Variants in RUNX1T1 observed in about 807,000 individuals in gnomAD.
The protein encoded by RUNX1T1 is protein CBFA2T1.
RUNX1T1 carries 4 observed loss-of-function variants against 62.8 expected under a neutral mutation model. The observed-to-expected ratio is 0.06, with a 90% CI of 0.03 to 0.15. The LOEUF (loss-of-function observed/expected upper bound fraction) is 0.15. RUNX1T1 is among the 10% of genes least tolerant of loss of function. The pLI, the probability that RUNX1T1 is intolerant of heterozygous loss-of-function variation, is 1.00. For missense variants in RUNX1T1, 508 were observed against 754.3 expected (o/e 0.67, Z 3.82); for synonymous variants, 291 against 286.0 (o/e 1.02, Z -0.18).
chr8:92,055,015 A>C (rs1404479320), intron 1 of RUNX1T1, among the ~76,000 whole-genome samples: 1 of 152,120 alleles, frequency 6.6e-6, no homozygotes, highest in Non-Finnish European at 1.5e-5. Context: ...AAAATAAATA[A>C]ATAAATTAAA....
chr8:91,983,033 C>A (rs1199358711), intron 8 of RUNX1T1, among the ~76,000 whole-genome samples: 1 of 142,144 alleles, frequency 7.0e-6, no homozygotes, highest in Admixed American at 7.5e-5. Flanking sequence ...GTTCAGGTGA[C>A]TCTCCTGCCT....
At chr8:91,980,066 A>C (rs1814883330) in intron 8 of RUNX1T1, 1 of 232,798 alleles carries the variant, frequency 4.3e-6, no homozygotes, top group Non-Finnish European at 8.9e-6. Context: ...AAATCTTCAC[A>C]CTAGGTTTCA....
At chr8:92,081,276 A>C (rs1835216685) in intron 1 of RUNX1T1, 8 of 971,140 alleles carry the variant, frequency 8.2e-6, no homozygotes, top group Non-Finnish European at 8.6e-6. Context: ...CAGTGTGCTC[A>C]GTTCTTATCA....
At chr8:91,976,531 C>A (rs1813987579) in intron 8 of RUNX1T1, among the ~76,000 whole-genome samples, 1 of 152,120 alleles carries the variant, frequency 6.6e-6, no homozygotes, top group Admixed American at 6.5e-5. Flanking sequence ...TACGTGAAAG[C>A]CAGAAAGACT....
intron 10 of RUNX1T1, among the ~76,000 whole-genome samples, chr8:91,961,532 T>G (rs1810445887): frequency 6.6e-6 from 1 of 152,118 alleles, no homozygotes; most frequent in South Asian, 2.1e-4. Context: ...GCCACCAGGA[T>G]TTAAACTTTA....
At chr8:91,991,705 G>A (rs1817706613) in exon 6 of RUNX1T1, 1 of 1,614,082 alleles carries the variant, frequency 6.2e-7, no homozygotes, top group Non-Finnish European at 8.5e-7. Context: ...CTGTAGTGGT[G>A]GGCAATGGCC....
chr8:91,975,269 T>G (rs1488159488), intron 9 of RUNX1T1, among the ~76,000 whole-genome samples: 1 of 152,210 alleles, frequency 6.6e-6, no homozygotes, highest in Non-Finnish European at 1.5e-5. Context: ...TTAAATCTAC[T>G]ATTACAAAAT....
chr8:92,029,660 T>C (rs77645033), intron 1 of RUNX1T1, among the ~76,000 whole-genome samples: 2,035 of 152,232 alleles, frequency 0.013, 47 homozygotes, highest in African/African-American at 0.046. Context: ...TTCTGCCTCC[T>C]CCATGTGCCT....
chr8:92,002,593 T>C (rs2130995650), intron 5 of RUNX1T1, among the ~76,000 whole-genome samples: 1 of 152,262 alleles, frequency 6.6e-6, no homozygotes, highest in African/African-American at 2.4e-5. Context: ...TGACATGTCA[T>C]GAACAAATTA....
chr8:92,079,812 T>C (rs1249022606), intron 1 of RUNX1T1, among the ~76,000 whole-genome samples: 1 of 152,138 alleles, frequency 6.6e-6, no homozygotes, highest in Non-Finnish European at 1.5e-5. Flanking sequence ...ATAAACTCCC[T>C]GATGGAACAC....
intron 9 of RUNX1T1, among the ~76,000 whole-genome samples, chr8:91,972,542 C>T (rs1813069983): frequency 1.3e-5 from 2 of 152,060 alleles, no homozygotes; most frequent in Non-Finnish European, 2.9e-5. Context: ...ATTATCCTAT[C>T]ATAAATGACT....
intron 1 of RUNX1T1, among the ~76,000 whole-genome samples, chr8:92,040,426 C>G (rs1421377400): frequency 1.3e-5 from 2 of 152,136 alleles, no homozygotes; most frequent in Admixed American, 6.5e-5. Context: ...TTATTCCATC[C>G]CCAGCATTCT....
exon 11 of RUNX1T1, chr8:91,959,456 G>GCA (rs2130389735): frequency 8.3e-6 from 1 of 120,920 alleles, no homozygotes; most frequent in East Asian, 1.1e-4. Flanking sequence ...GTGTGTGTGT[G>GCA]TGTGTGTGTG....
chr8:92,071,218 T>C (rs1177764004), intron 2 of RUNX1T1: 2 of 152,210 alleles, frequency 1.3e-5, no homozygotes, highest in African/African-American at 2.4e-5. Context: ...GCAAAAGTTC[T>C]ATCACCTTTT....
At chr8:92,020,342 G>A (rs183381989) in intron 1 of RUNX1T1, among the ~76,000 whole-genome samples, 1 of 152,198 alleles carries the variant, frequency 6.6e-6, no homozygotes, top group South Asian at 2.1e-4. Context: ...GCACAAGCAA[G>A]CTGATTTAAC....
intron 3 of RUNX1T1, among the ~76,000 whole-genome samples, chr8:92,012,895 C>T (rs1025592959): frequency 3.3e-5 from 5 of 152,140 alleles, no homozygotes; most frequent in South Asian, 2.1e-4. Context: ...TAATGTCCTC[C>T]CCTATTTTCC....
At chr8:91,984,899 G>T (rs532131062) in intron 8 of RUNX1T1, among the ~76,000 whole-genome samples, 2 of 152,188 alleles carry the variant, frequency 1.3e-5, no homozygotes, top group East Asian at 3.9e-4. Context: ...AATAATGCTT[G>T]TTAGGTAAAT....
intron 1 of RUNX1T1, among the ~76,000 whole-genome samples, chr8:92,041,789 A>AT (rs927692646): frequency 1.3e-5 from 2 of 150,780 alleles, no homozygotes; most frequent in Non-Finnish European, 3.0e-5. Context: ...TATTTATTTT[A>AT]TTTTTTTAAG....
intron 8 of RUNX1T1, among the ~76,000 whole-genome samples, chr8:91,981,894 C>T (rs1358199523): frequency 2.0e-5 from 3 of 152,200 alleles, no homozygotes; most frequent in East Asian, 3.9e-4. Flanking sequence ...AGGGAAAGTG[C>T]ATTTATATTT....
Sources: gnomAD v4.1 joint callset for allele counts (sites outside exome capture counted in the v4.1 genomes callset) on GRCh38, gnomAD v4.1.1 for gene constraint, MANE v1.5 for transcripts, NCBI Gene and HGNC (gene_info 2026-07-23, HGNC 2026-07-21) for gene names.